Variants in RANBP2 observed in about 807,000 individuals in gnomAD.
RANBP2 encodes the protein E3 SUMO-protein ligase RanBP2.
In RANBP2, 57 loss-of-function variants were observed where a neutral mutation model predicts 303.6. That is an observed-to-expected ratio of 0.19 (90% confidence interval 0.15 to 0.23). The LOEUF (loss-of-function observed/expected upper bound fraction) is 0.23. Among genes scored for constraint, RANBP2 ranks in the 10% least tolerant of loss-of-function variants. The pLI, the probability that RANBP2 is intolerant of heterozygous loss-of-function variation, is 1.00. For synonymous variants in RANBP2, 1,167 were observed against 1,301.5 expected, an observed-to-expected ratio of 0.90 and a Z score of 2.23; for missense variants, 3,138 against 3,780.8, an observed-to-expected ratio of 0.83 and a Z score of 4.46.
At chr2:109,373,912 G>A in the RANBP2 span, among the ~76,000 whole-genome samples, 5 of 152,126 alleles carry the variant, frequency 3.3e-5, no homozygotes, top group East Asian at 1.9e-4. Flanking sequence ...TTGGGAGTCC[G>A]CAAGCAGGTG....
At chr2:109,643,485 C>T in the RANBP2 span, among the ~76,000 whole-genome samples, 16 of 152,130 alleles carry the variant, frequency 1.1e-4, no homozygotes, top group African/African-American at 3.6e-4. Context: ...AAAGGCTGGG[C>T]GCAGCGGCTC....
the RANBP2 span, among the ~76,000 whole-genome samples, chr2:109,698,047 A>G: frequency 6.6e-6 from 1 of 151,558 alleles, no homozygotes; most frequent in African/African-American, 2.4e-5. Context: ...TTTAGTAGAG[A>G]CAGGGTTTTG....
chr2:108,719,908 C>G (rs1239580922), intron 1 of RANBP2, among the ~76,000 whole-genome samples: 1 of 150,622 alleles, frequency 6.6e-6, no homozygotes, highest in African/African-American at 2.5e-5. Context: ...TTTCTCCCGG[C>G]TTGTTCCCGA....
At chr2:109,715,451 G>C in the RANBP2 span, among the ~76,000 whole-genome samples, 1 of 152,078 alleles carries the variant, frequency 6.6e-6, no homozygotes, top group Non-Finnish European at 1.5e-5. Flanking sequence ...AGACACTTAG[G>C]CTCACTTAGG....
At chr2:109,062,871 G>C in the RANBP2 span, among the ~76,000 whole-genome samples, 3 of 152,008 alleles carry the variant, frequency 2.0e-5, no homozygotes, top group Admixed American at 1.3e-4. Flanking sequence ...GGAGGTGAAG[G>C]GGGCTGGCAG....
chr2:109,243,901 T>A, the RANBP2 span, among the ~76,000 whole-genome samples: 4 of 152,124 alleles, frequency 2.6e-5, no homozygotes, highest in African/African-American at 7.2e-5. Context: ...GAGTAGTGAG[T>A]GAGAGAGGCT....
At chr2:108,887,035 TC>T in the RANBP2 span, among the ~76,000 whole-genome samples, 369 of 152,288 alleles carry the variant, frequency 2.4e-3, 5 homozygotes, top group African/African-American at 8.6e-3. Context: ...AAATCTCTAA[TC>T]TATTTTTAGT....
intron 8 of RANBP2, among the ~76,000 whole-genome samples, chr2:108,748,267 G>A (rs1675536349): frequency 6.6e-6 from 1 of 151,502 alleles, no homozygotes; most frequent in African/African-American, 2.4e-5. Flanking sequence ...GAGTGCAGTG[G>A]CGTGATCTCG....
At chr2:108,739,893 C>T (rs1163507362) in intron 6 of RANBP2, among the ~76,000 whole-genome samples, 74 of 151,918 alleles carry the variant, frequency 4.9e-4, no homozygotes, top group Non-Finnish European at 8.8e-5. Context: ...AAGGCTGAGT[C>T]AGGAGAATCA....
At chr2:108,864,043 A>G in the RANBP2 span, among the ~76,000 whole-genome samples, 1 of 152,200 alleles carries the variant, frequency 6.6e-6, no homozygotes, top group Admixed American at 6.5e-5. Flanking sequence ...TCTCATGTGT[A>G]ACACTAGACA....
chr2:109,160,197 G>A, the RANBP2 span, among the ~76,000 whole-genome samples: 1 of 152,294 alleles, frequency 6.6e-6, no homozygotes, highest in East Asian at 1.9e-4. Context: ...TCAGGAAGCT[G>A]AGGGTCTTGT....
chr2:109,540,052 G>T, the RANBP2 span, among the ~76,000 whole-genome samples: 1 of 152,218 alleles, frequency 6.6e-6, no homozygotes, highest in Non-Finnish European at 1.5e-5. Flanking sequence ...GACTGGGATT[G>T]CTGGGTTGTA....
the RANBP2 span, among the ~76,000 whole-genome samples, chr2:109,078,120 C>G: frequency 3.0e-5 from 1 of 33,614 alleles, no homozygotes; most frequent in Non-Finnish European, 5.3e-5. Flanking sequence ...ATATATATAG[C>G]GTGTATATAT....
At chr2:108,788,767 A>G, downstream of RANBP2, 2 of 1,498,956 alleles carry the variant, frequency 1.3e-6, no homozygotes, top group Non-Finnish European at 1.8e-6. Flanking sequence ...TTTTAAAAAT[A>G]GTATTATTTA....
At chr2:109,163,012 G>A in the RANBP2 span, among the ~76,000 whole-genome samples, 1 of 152,182 alleles carries the variant, frequency 6.6e-6, no homozygotes, top group African/African-American at 2.4e-5. Context: ...GATTTGGAGG[G>A]AAAAGTCCCC....
chr2:109,576,328 G>A, the RANBP2 span, among the ~76,000 whole-genome samples: 1 of 151,916 alleles, frequency 6.6e-6, no homozygotes, highest in African/African-American at 2.4e-5. Flanking sequence ...TGAACTCCTG[G>A]CCTTAAGCAA....
At chr2:109,672,324 G>C in the RANBP2 span, among the ~76,000 whole-genome samples, 2 of 152,166 alleles carry the variant, frequency 1.3e-5, no homozygotes. Context: ...GGCAGGGTGG[G>C]TAATAAGTTC....
the RANBP2 span, among the ~76,000 whole-genome samples, chr2:109,357,657 C>G: frequency 6.6e-6 from 1 of 152,176 alleles, no homozygotes; most frequent in African/African-American, 2.4e-5. Context: ...ACTTTGTTTT[C>G]TCTCAGTTTT....
the RANBP2 span, chr2:109,614,500 C>A: frequency 1.6e-6 from 2 of 1,248,408 alleles, no homozygotes; most frequent in Non-Finnish European, 2.0e-6. Flanking sequence ...ATGGAGGGGC[C>A]GGCAGAGTGG....
Sources: gnomAD v4.1 joint callset for allele counts (sites outside exome capture counted in the v4.1 genomes callset) on GRCh38, gnomAD v4.1.1 for gene constraint, MANE v1.5 for transcripts, NCBI Gene and HGNC (gene_info 2026-07-23, HGNC 2026-07-21) for gene names.